The following ACP5 variants were observed in gnomAD, a reference collection of about 807,000 sequenced individuals.
ACP5 encodes the protein tartrate-resistant acid phosphatase type 5.
In ACP5, 24 loss-of-function variants were observed where a neutral mutation model predicts 28.7. The ratio of observed to expected loss-of-function variants is 0.84; its 90% CI spans 0.61 to 1.18. ACP5 has a LOEUF of 1.18. Ranked by LOEUF, ACP5 falls within the 50% of genes most tolerant of loss-of-function variation. The pLI is 0.00. For synonymous variants in ACP5, 154 were observed against 181.4 expected (o/e 0.85, Z 1.21); for missense variants, 354 against 422.2 (o/e 0.84, Z 1.42).
chr19:11,575,015 G>C lies in ACP5; in HGVS notation c.973C>G (p.Pro325Ala). The C allele has an allele frequency of 6.2e-7, 1 of 1,614,172 alleles. No homozygotes were observed. Among genetic ancestry groups the C allele is most frequent in the African/African-American group, 1.3e-5 (1 of 75,072 alleles). Residue 325 changes from proline (P) to alanine (A), a missense_variant, in exon 5 of 5, where the codon CCC becomes GCC. Pro to Ala is a conservative substitution (Grantham distance 27). Transcript: ENST00000648477. ...FKTRLPRRARP is the reference protein window; with the variant it reads ...FKTRLPRRARA ...AGCTGGGCAGTCATGGGAGTTCAGGGCCTGGCTCGCCTCGGCAGCCTGGTC... is the reference window on the plus strand; with the variant it reads ...AGCTGGGCAGTCATGGGAGTTCAGGCCCTGGCTCGCCTCGGCAGCCTGGTC...
chr19:11,576,006 C>CAAA (rs3035420), intron 4 of ACP5, among the ~76,000 whole-genome samples: 25 of 52,888 alleles, frequency 4.7e-4, no homozygotes, highest in East Asian at 4.7e-3. Context: ...ACCTTGTCTC[C>CAAA]AAAAAAAAAA....
In ACP5 at chr19:11,574,990, A is replaced by G. The variant is rs1237661966; in HGVS notation, c.*20T>C. 6.2e-7 allele frequency: 1 copy of G among 1,613,884 alleles called. No homozygotes were observed. Among genetic ancestry groups the G allele is most frequent in the Admixed American group, 1.7e-5 (1 of 60,014 alleles). ...CCCAACAGTGGAGATCGGGCCTCAGAGCTGGGCAGTCATGGGAGTTCAGGG... is the reference window on the plus strand; with the variant it reads ...CCCAACAGTGGAGATCGGGCCTCAGGGCTGGGCAGTCATGGGAGTTCAGGG... On this transcript the variant is annotated 3_prime_UTR_variant, in exon 5 of 5. Coordinates refer to ENST00000648477, the MANE Select transcript of ACP5 (RefSeq NM_001611.5).
At position 11,577,398 on chromosome 19, in the gene ACP5, TAGAG is replaced by T. The variant is rs1172018623; in HGVS notation, c.1-85_1-82del. The T allele has an allele frequency of 1.4e-5, 21 of 1,501,962 alleles. No homozygotes were observed. The African/African-American group carries it at 1.8e-4, about 13-fold the overall frequency. The allele number at this position is 1,501,962 out of a possible 1,614,324, so 93.0% of individuals were successfully genotyped here. On this transcript the variant is annotated intron_variant, in intron 1 of 4. Coordinates refer to ENST00000648477, the MANE Select transcript of ACP5 (RefSeq NM_001611.5). The surrounding 1 kb of genome is among the most constrained non-coding windows in gnomAD (Gnocchi z 5.7). ...CTTGAGACCCCCGCCTGCCCTGAGATAGAGGGAGACTGCTTGCTGCAGGCTGCCC... is the reference window on the plus strand; with the variant it reads ...CTTGAGACCCCCGCCTGCCCTGAGATGGAGACTGCTTGCTGCAGGCTGCCC...
At chr19:11,578,362 C>G (rs938902665), upstream of ACP5, among the ~76,000 whole-genome samples, 3 of 152,132 alleles carry the variant, frequency 2.0e-5, no homozygotes, top group East Asian at 5.8e-4. Flanking sequence ...TAAACACCAA[C>G]GGGCTTCCCT....
At chr19:11,575,674 A>T (rs923224789) in intron 4 of ACP5, 55 of 243,282 alleles carry the variant, frequency 2.3e-4, no homozygotes, top group African/African-American at 1.0e-3. Context: ...CCTGGCCAAC[A>T]TGGTGAAACC....
chr19:11,576,630 A>G (rs1973167630), intron 3 of ACP5, 42 bp from the exon 4 acceptor site: 1 of 1,613,600 alleles, frequency 6.2e-7, no homozygotes, highest in Non-Finnish European at 8.5e-7. Flanking sequence ...TCTTGGGCGC[A>G]GAAGTCCCAG....
chr19:11,576,188 A>C lies in ACP5; in HGVS notation c.735+55T>G, dbSNP rs540751831. 29 of 1,481,498 alleles carry C rather than the reference A, an allele frequency of 2.0e-5. No homozygotes were observed. The East Asian group carries it at 6.5e-4, about 33-fold the overall frequency. 91.8% of individuals were successfully genotyped at this position (1,481,498 alleles called of 1,614,324 possible). A position where few individuals can be genotyped will look rare whatever the true frequency, so the allele number is the denominator to read the frequency against. Reference sequence around the variant, plus strand: ...GGAGGACCCCAGCCATGTGGACATCAGCTGGGATGGGGACCCCCCTCACCC... The same window carrying C: ...GGAGGACCCCAGCCATGTGGACATCCGCTGGGATGGGGACCCCCCTCACCC... On this transcript the variant is annotated intron_variant, in intron 4 of 4. Transcript: ENST00000648477.
At position 11,575,182 on chromosome 19, in the gene ACP5, C is replaced by T. The variant is rs749985898; in HGVS notation, c.806G>A (p.Arg269Gln). Reference protein sequence around the residue: ...GAGNFMDPSKRHQRKVPNGYL... With the variant: ...GAGNFMDPSKQHQRKVPNGYL... ...GCCGTTGGGGACCTTGCGCTGGTGC[C>T]GCTTTGAGGGGTCCATGAAATTCCC... Residue 269 changes from arginine (R) to glutamine (Q), a missense_variant, in exon 5 of 5, where the codon CGG becomes CAG. Arg to Gln is a conservative substitution (Grantham distance 43). Transcript: ENST00000648477. The T allele has an allele frequency of 2.4e-5, 38 of 1,613,984 alleles. No individual in the cohort carries two copies. The highest frequency in any genetic ancestry group is 2.2e-4 in the Admixed American group (13 of 59,992).
chr19:11,575,448 G>C (rs536277578), intron 4 of ACP5, 196 bp from the exon 5 acceptor site: 2 of 657,418 alleles, frequency 3.0e-6, no homozygotes, highest in Admixed American at 5.1e-5. Flanking sequence ...TGGTGGCCAG[G>C]TGTGGTGGCT....
chr19:11,577,300 C>T lies in ACP5; in HGVS notation c.18G>A (p.Ala6=), dbSNP rs935506217. ...GCAACAAGGCTTGCAGGATGAGCAG[C>T]GCCGTCCACATGTCCATCTGGGAGA... MDMWT[A]LLILQALLLP... is the part of the protein sequence containing the mutation. Residue 6 remains alanine (A), a synonymous_variant, in exon 2 of 5, where the codon GCG becomes GCA. Coordinates refer to ENST00000648477, the MANE Select transcript of ACP5 (RefSeq NM_001611.5). The surrounding 1 kb of genome is among the most constrained non-coding windows in gnomAD (Gnocchi z 5.7). The T allele has an allele frequency of 3.7e-6, 6 of 1,613,834 alleles. No homozygotes were observed. The highest frequency in any genetic ancestry group is 1.7e-5 in the Admixed American group (1 of 59,976).
chr19:11,576,850 C>T lies in ACP5; in HGVS notation c.262-7G>A, dbSNP rs1474478792. ...ATACGTCCTCAAAGGTCTCCTGTAG[C>T]AAACAGATAGGGCAGGCCTCTTCCC... On this transcript the variant is annotated splice_polypyrimidine_tract_variant and splice_region_variant and intron_variant, in intron 2 of 4. Coordinates refer to ENST00000648477, the MANE Select transcript of ACP5 (RefSeq NM_001611.5). 6.2e-7 allele frequency: 1 copy of T among 1,614,064 alleles called. No individual in the cohort carries two copies. Among genetic ancestry groups the T allele is most frequent in the Non-Finnish European group, 8.5e-7 (1 of 1,180,024 alleles).
Position 11,577,520 on chromosome 19 carries a change from G to A in ACP5, c.-1+73C>T, listed in dbSNP as rs79666350. ...TAGGGAAGGGGGGCGCGGTCTGTGA[G>A]AGGGCGAGCTGTACCAAGATGGCCC... On this transcript the variant is annotated intron_variant, in intron 1 of 4. Transcript: ENST00000648477. This position sits in a 1 kb window ranked among gnomAD's most constrained non-coding sequence, Gnocchi z 5.7. The A allele has an allele frequency of 0.014, 8,914 of 650,406 alleles. 354 individuals are homozygous for A. Among genetic ancestry groups the A allele is most frequent in the East Asian group, 0.085 (3,127 of 36,636 alleles). 40.3% of individuals were successfully genotyped at this position (650,406 alleles called of 1,614,324 possible). A position where few individuals can be genotyped will look rare whatever the true frequency, so the allele number is the denominator to read the frequency against.
At position 11,577,199 on chromosome 19, in the gene ACP5, G is replaced by C; in HGVS notation, c.119C>G (p.Ala40Gly). Residue 40 changes from alanine to glycine, a missense_variant, in exon 2 of 5, where the codon GCC (alanine) becomes GGC (glycine). Transcript: ENST00000648477. The surrounding 1 kb of genome is among the most constrained non-coding windows in gnomAD (Gnocchi z 5.7). ...CATTTCCCGGGCCGTGTGGAATGGG[G>C]CATTGGGGACCCCTCCCCAGTCACC... Reference protein sequence around the residue: ...AVGDWGGVPNAPFHTAREMAN... With the variant: ...AVGDWGGVPNGPFHTAREMAN... The C allele has an allele frequency of 6.2e-7, 1 of 1,614,196 alleles. No homozygotes were observed. Among genetic ancestry groups the C allele is most frequent in the Non-Finnish European group, 8.5e-7 (1 of 1,180,034 alleles).
chr19:11,576,884 G>A (rs1973182718), intron 2 of ACP5, 41 bp from the exon 3 acceptor site: 1 of 1,613,742 alleles, frequency 6.2e-7, no homozygotes, highest in African/African-American at 1.3e-5. Flanking sequence ...CCTGGGGTCA[G>A]TGGCTATGCC....
chr19:11,576,375 C>T lies in ACP5; in HGVS notation c.603G>A (p.Leu201=), dbSNP rs1391682712. The change falls in exon 4 of 5, where the codon CTG becomes CTA. Residue 201 remains leucine (L), a synonymous_variant. Coordinates refer to ENST00000648477, the MANE Select transcript of ACP5 (RefSeq NM_001611.5). The part of the protein sequence containing the change: ...QLAAAREDYV[L]VAGHYPVWSI... ...ACCACACGGGGTAGTGGCCAGCCACCAGCACGTAGTCCTCCCTGGCCGCCG... is the reference window on the plus strand; with the variant it reads ...ACCACACGGGGTAGTGGCCAGCCACTAGCACGTAGTCCTCCCTGGCCGCCG... 5.0e-6 allele frequency: 8 copies of T among 1,610,516 alleles called. No individual in the cohort carries two copies. Among genetic ancestry groups the T allele is most frequent in the Non-Finnish European group, 6.8e-6 (8 of 1,177,938 alleles).
In ACP5 at chr19:11,576,390, C is replaced by T; in HGVS notation, c.588G>A (p.Arg196=). Residue 196 remains arginine, a synonymous_variant, in exon 4 of 5, where the codon AGG becomes AGA. Coordinates refer to ENST00000648477, the MANE Select transcript of ACP5 (RefSeq NM_001611.5). ...GGCCAGCCACCAGCACGTAGTCCTC[C>T]CTGGCCGCCGCCAGCTGTTTCTTGA... ...SWLKKQLAAA[R]EDYVLVAGHY... 6.2e-7 allele frequency: 1 copy of T among 1,611,838 alleles called. No homozygotes were observed. Among genetic ancestry groups the T allele is most frequent in the Non-Finnish European group, 8.5e-7 (1 of 1,178,726 alleles).
At chr19:11,575,471 C>A in intron 4 of ACP5, 1 of 581,748 alleles carries the variant, frequency 1.7e-6, no homozygotes, top group Non-Finnish European at 3.0e-6. Flanking sequence ...TGCCTGTAAT[C>A]CCAGCACTTT....
At chr19:11,575,314 C>A in intron 4 of ACP5, 62 bp from the exon 5 acceptor site, 1 of 1,602,370 alleles carries the variant, frequency 6.2e-7, no homozygotes, top group East Asian at 2.2e-5. Flanking sequence ...TGCCTAAGGT[C>A]CAGGGCTCGA....
chr19:11,576,204 C>A (rs1458333916), intron 4 of ACP5, 39 bp downstream of exon 4: 2 of 1,576,724 alleles, frequency 1.3e-6, no homozygotes, highest in Middle Eastern at 2.3e-4. Flanking sequence ...GATGGGGACC[C>A]CCCTCACCCA....
Sources: allele counts gnomAD v4.1 joint callset (sites outside exome capture counted in the v4.1 genomes callset), GRCh38; gene constraint gnomAD v4.1.1; non-coding constraint Gnocchi (gnomAD v3.1); transcripts MANE v1.5; gene names NCBI Gene and HGNC (gene_info 2026-07-23, HGNC 2026-07-21).